The following VDR variants were observed in gnomAD, a reference collection of about 807,000 sequenced individuals.
VDR encodes vitamin D receptor, also known as vitamin D3 receptor.
VDR carries 19 observed loss-of-function variants against 39.7 expected under a neutral mutation model. That is an observed-to-expected ratio of 0.48 (90% CI 0.33 to 0.70). VDR has a LOEUF of 0.70. Among genes scored for constraint, VDR ranks in the 30% least tolerant of loss-of-function variants. VDR has a pLI of 0.02. For missense variants in VDR, 442 were observed against 570.5 expected (o/e 0.77, Z 2.29); for synonymous variants, 242 against 215.8 (o/e 1.12, Z -1.07).
intron 3 of VDR, among the ~76,000 whole-genome samples, chr12:47,876,476 G>C (rs1006517492): frequency 6.6e-6 from 1 of 152,174 alleles, no homozygotes; most frequent in African/African-American, 2.4e-5. Context: ...ATCTAAGTAA[G>C]GTAGACTGAG....
At chr12:47,884,236 C>A (rs1023022192) in intron 1 of VDR, among the ~76,000 whole-genome samples, 2 of 152,198 alleles carry the variant, frequency 1.3e-5, no homozygotes, top group Non-Finnish European at 2.9e-5. Context: ...GATAGACAAC[C>A]ACCCTGGAAC....
intron 4 of VDR, among the ~76,000 whole-genome samples, chr12:47,859,741 G>C (rs1398606540): frequency 6.6e-6 from 1 of 152,080 alleles, no homozygotes; most frequent in Non-Finnish European, 1.5e-5. Flanking sequence ...ATTACCTATA[G>C]ACGGAGCCCA....
intron 1 of VDR, among the ~76,000 whole-genome samples, chr12:47,900,362 C>T (rs1229411655): frequency 2.0e-5 from 3 of 152,152 alleles, no homozygotes; most frequent in African/African-American, 7.2e-5. Context: ...GTATAATGTA[C>T]AAGACAGGGC....
intron 2 of VDR, 68 bp downstream of exon 2, chr12:47,882,626 C>CCCGGGGG: frequency 1.8e-6 from 1 of 569,052 alleles, no homozygotes; most frequent in Non-Finnish European, 3.1e-6. Flanking sequence ...TTCTTATGCC[C>CCCGGGGG]CTCCCCCCCA....
At chr12:47,893,176 G>C (rs1287012720) in intron 1 of VDR, among the ~76,000 whole-genome samples, 1 of 152,156 alleles carries the variant, frequency 6.6e-6, no homozygotes, top group Admixed American at 6.5e-5. Flanking sequence ...TTATTGCCAC[G>C]ATTTATTGAA....
At chr12:47,863,708 G>A (rs1040875627) in intron 4 of VDR, among the ~76,000 whole-genome samples, 15 of 152,210 alleles carry the variant, frequency 9.9e-5, no homozygotes, top group Admixed American at 9.2e-4. Context: ...CCCTGTGATG[G>A]TGTGGAGAAA....
chr12:47,878,773 G>A (rs1274803684), intron 3 of VDR, 195 bp downstream of exon 3: 4 of 867,866 alleles, frequency 4.6e-6, no homozygotes, highest in African/African-American at 1.7e-5. Flanking sequence ...AGAGTCAGAG[G>A]AACATCTGGA....
chr12:47,873,975 C>T (rs549363073), intron 3 of VDR, among the ~76,000 whole-genome samples: 18 of 152,162 alleles, frequency 1.2e-4, no homozygotes, highest in African/African-American at 3.9e-4. Context: ...GGGAAGATCT[C>T]AAGTGTGTGC....
In VDR at chr12:47,854,355, G is replaced by A. The variant is rs150296874; in HGVS notation, c.755+1275C>T. ...TTGATCAGGCTGGTCTGGAACTCCT[G>A]GGCTGAAGCAATCCTCCTACCTCAG... On this transcript the variant is annotated intron_variant, in intron 7 of 9. Coordinates refer to ENST00000549336, the MANE Select transcript of VDR (RefSeq NM_000376.3). Among the ~76,000 whole-genome samples the A allele has an allele frequency of 2.8e-3, 420 of 151,964 alleles. 3 individuals are homozygous for A. Among genetic ancestry groups the A allele is most frequent in the African/African-American group, 1.0e-2 (413 of 41,398 alleles).
intron 1 of VDR, among the ~76,000 whole-genome samples, chr12:47,886,889 C>A (rs1477305642): frequency 6.6e-6 from 1 of 152,164 alleles, no homozygotes; most frequent in Non-Finnish European, 1.5e-5. Flanking sequence ...GAACAGCACC[C>A]CATAGCTTTC....
rs537854465 is a variant in VDR at position 47,870,452 on chromosome 12, G to A, written c.147-5275C>T. ...GACCCTGTCATCCTCTGGTTGGTTG[G>A]CATTTATACCCCAGCTCAGGAAGGG... On this transcript the variant is annotated intron_variant, in intron 3 of 9. Transcript: ENST00000549336. Among the ~76,000 whole-genome samples, 82 of 152,232 alleles carry A rather than the reference G, an allele frequency of 5.4e-4. 1 individual carries two copies. The South Asian group carries it at 0.017, about 31-fold the overall frequency.
rs557660839 is a variant in VDR at position 47,868,869 on chromosome 12, G to A, written c.147-3692C>T. 2.0e-5 allele frequency among the ~76,000 whole-genome samples: 3 copies of A among 151,534 alleles called. No individual in the cohort carries two copies. In the South Asian group the frequency reaches 6.2e-4, roughly 31 times the overall value. On this transcript the variant is annotated intron_variant, in intron 3 of 9. Coordinates refer to ENST00000549336, the MANE Select transcript of VDR (RefSeq NM_000376.3). ...TCTTGTCTGGCTCAGAGCTCTTCCT[G>A]TTAAGCCTGCAAGGCCATGGGCACC...
chr12:47,855,806 G>A lies in VDR; in HGVS notation c.584-5C>T, dbSNP rs750949724. The A allele has an allele frequency of 1.2e-6, 2 of 1,613,602 alleles. No homozygotes were observed. Among genetic ancestry groups the A allele is most frequent in the Non-Finnish European group, 8.5e-7 (1 of 1,179,930 alleles). ...AGCTGGACGAGTCCATCATGTCTGG[G>A]AGAGATGAGGGAAGAGAAGGAGCTA... is the stretch of plus-strand genomic sequence containing the variant. On this transcript the variant is annotated splice_polypyrimidine_tract_variant and splice_region_variant and intron_variant, in intron 6 of 9. Coordinates refer to ENST00000549336, the MANE Select transcript of VDR (RefSeq NM_000376.3).
chr12:47,904,824 A>G (rs1323568186), intron 1 of VDR, 131 bp downstream of exon 1: 1 of 506,238 alleles, frequency 2.0e-6, no homozygotes, highest in Non-Finnish European at 3.5e-6. Flanking sequence ...CCCGGACCTC[A>G]GTAGCCAAGT....
At chr12:47,892,096 C>G (rs1017334032) in intron 1 of VDR, among the ~76,000 whole-genome samples, 20 of 152,242 alleles carry the variant, frequency 1.3e-4, no homozygotes, top group African/African-American at 4.3e-4. Context: ...TGCCCCAGCT[C>G]TTGAAGGCCT....
intron 1 of VDR, chr12:47,899,814 C>A: frequency 1.2e-6 from 1 of 843,586 alleles, no homozygotes; most frequent in Non-Finnish European, 1.4e-6. Flanking sequence ...ACTATGCCTG[C>A]TAGAGAACAT....
At chr12:47,880,514 CT>C (rs532873783) in intron 2 of VDR, among the ~76,000 whole-genome samples, 1 of 152,224 alleles carries the variant, frequency 6.6e-6, no homozygotes, top group African/African-American at 2.4e-5. Flanking sequence ...AAAACAAATA[CT>C]TTCTAAAAAT....
chr12:47,885,679 T>A (rs1389519503), intron 1 of VDR, among the ~76,000 whole-genome samples: 1 of 152,220 alleles, frequency 6.6e-6, no homozygotes, highest in East Asian at 1.9e-4. Flanking sequence ...AGACTGGAAT[T>A]CCCATCATGA....
chr12:47,871,298 CTT>C (rs1491306120), intron 3 of VDR, among the ~76,000 whole-genome samples: 41 of 109,814 alleles, frequency 3.7e-4, no homozygotes, highest in African/African-American at 1.4e-3. Flanking sequence ...CTTTCTCTTT[CTT>C]TCTTTCTTTC....
Sources: allele counts gnomAD v4.1 joint callset (sites outside exome capture counted in the v4.1 genomes callset), GRCh38; gene constraint gnomAD v4.1.1; transcripts MANE v1.5; gene names NCBI Gene and HGNC (gene_info 2026-07-23, HGNC 2026-07-21).